The following SBK1 variants were observed in gnomAD, a reference collection of about 807,000 sequenced individuals.
SBK1 encodes serine/threonine-protein kinase SBK1.
A neutral mutation model predicts 24.4 loss-of-function variants in SBK1; 11 were observed. The ratio of observed to expected loss-of-function variants is 0.45; its 90% CI spans 0.28 to 0.75. SBK1 has a LOEUF of 0.75. Ranked by LOEUF, SBK1 falls within the 30% of genes least tolerant of loss-of-function variation. The pLI, the probability that SBK1 is intolerant of heterozygous loss-of-function variation, is 0.12. For missense variants in SBK1, 467 were observed against 620.5 expected (o/e 0.75, Z 2.63); for synonymous variants, 308 against 284.4 (o/e 1.08, Z -0.83).
rs1307674625 is a variant in SBK1, at chr16:28,270,871, ATTTATTTT to A, written c.257+11372_257+11379del. Among the ~76,000 whole-genome samples, 24 of 128,124 alleles carry A rather than the reference ATTTATTTT, an allele frequency of 1.9e-4. 1 individual carries two copies. The highest frequency in any genetic ancestry group is 5.3e-4 in the African/African-American group (17 of 32,026). The allele number at this position is 128,124 out of a possible 152,430, so 84.1% of individuals were successfully genotyped here. A position where few individuals can be genotyped will look rare whatever the true frequency, so the allele number is the denominator to read the frequency against. The stretch of plus-strand genomic sequence containing the variant: ...TATTTATTTATTTATTTATTTATTT[ATTTATTTT>A]TTGAGACGGAGTCTTGCTCTGTTGC... On this transcript the variant is annotated intron_variant, in intron 1 of 3. Coordinates refer to the SBK1 transcript ENST00000671413.
intron 1 of SBK1, chr16:28,285,508 T>C (rs900025009): frequency 1.3e-5 from 2 of 152,026 alleles, no homozygotes; most frequent in Admixed American, 6.6e-5. Flanking sequence ...TGAGCCGAGA[T>C]TACACCACTG....
In SBK1 at chr16:28,292,753, C is replaced by A. The variant is rs1024638229; in HGVS notation, c.-555C>A. On this transcript the variant is annotated 5_prime_UTR_variant, in exon 1 of 4. Coordinates refer to ENST00000341901, the MANE Select transcript of SBK1 (RefSeq NM_001024401.3). ...CCCCGCAGCCGAGGAGTGCGGGGAG[C>A]CCCCTTCCACATCCAGGATCCGGCG... 1.0e-6 allele frequency: 1 copy of A among 984,996 alleles called. No individual in the cohort carries two copies. The highest frequency in any genetic ancestry group is 1.7e-5 in the African/African-American group (1 of 57,212). 61.0% of individuals were successfully genotyped at this position (984,996 alleles called of 1,614,324 possible).
chr16:28,295,438 C>T (rs1787169334), intron 1 of SBK1, among the ~76,000 whole-genome samples: 2 of 152,116 alleles, frequency 1.3e-5, no homozygotes. Context: ...CCTGAGCTGG[C>T]ACGTAGTAGA....
At chr16:28,316,773 G>C (rs2044799343) in intron 1 of SBK1, among the ~76,000 whole-genome samples, 1 of 152,184 alleles carries the variant, frequency 6.6e-6, no homozygotes, top group African/African-American at 2.4e-5. Flanking sequence ...AATCTACTCA[G>C]GAGGCTGAGA....
At chr16:28,306,488 A>G (rs1369186892) in intron 1 of SBK1, among the ~76,000 whole-genome samples, 1 of 152,152 alleles carries the variant, frequency 6.6e-6, no homozygotes, top group Non-Finnish European at 1.5e-5. Flanking sequence ...GGGTGTTGGC[A>G]TGGGGTGCCT....
rs1311693970 is a variant in SBK1, at chr16:28,317,843, G to T, written c.226+226G>T. ...AGGAATCCGGGGCAGAGTGGCCAGG[G>T]TACAGGATGGGCTGCTGTGGGGCCA... is the stretch of plus-strand genomic sequence containing the variant. On this transcript the variant is annotated intron_variant, in intron 2 of 3. Transcript: ENST00000341901. This position sits in a 1 kb window ranked among gnomAD's most constrained non-coding sequence, Gnocchi z 4.2. Among the ~76,000 whole-genome samples, 3 of 151,962 alleles carry T rather than the reference G, an allele frequency of 2.0e-5. No homozygotes were observed. Among genetic ancestry groups the T allele is most frequent in the African/African-American group, 7.3e-5 (3 of 41,366 alleles).
chr16:28,302,370 C>T (rs896948982), intron 1 of SBK1, among the ~76,000 whole-genome samples: 6 of 152,178 alleles, frequency 3.9e-5, no homozygotes, highest in African/African-American at 7.2e-5. Flanking sequence ...AGGTGAAGGT[C>T]GGGGACATCC....
At chr16:28,268,873 G>A (rs2044446077) in intron 1 of SBK1, among the ~76,000 whole-genome samples, 2 of 152,158 alleles carry the variant, frequency 1.3e-5, no homozygotes, top group South Asian at 4.1e-4. Flanking sequence ...CAGGAGAGGA[G>A]CTCCAGTGTC....
intron 1 of SBK1, among the ~76,000 whole-genome samples, chr16:28,277,384 A>G (rs149255466): frequency 6.6e-6 from 1 of 152,108 alleles, no homozygotes; most frequent in Non-Finnish European, 1.5e-5. Context: ...AGTAACAAGA[A>G]GGCACTCTAA....
chr16:28,314,841 T>C (rs917946203), intron 1 of SBK1, among the ~76,000 whole-genome samples: 1 of 152,124 alleles, frequency 6.6e-6, no homozygotes, highest in African/African-American at 2.4e-5. Context: ...TAGCCAGATA[T>C]GGTGGCGCAC....
chr16:28,320,165 C>T lies in SBK1; in HGVS notation c.519C>T (p.Arg173=), dbSNP rs779706591. 8.6e-5 allele frequency: 137 copies of T among 1,586,178 alleles called. No individual in the cohort carries two copies. The highest frequency in any genetic ancestry group is 1.1e-4 in the Non-Finnish European group (132 of 1,171,958). Residue 173 remains arginine, a synonymous_variant, in exon 4 of 4, where the codon CGC becomes CGT. Transcript: ENST00000341901. The surrounding 1 kb of genome is among the most constrained non-coding windows in gnomAD (Gnocchi z 8.5). The part of the protein sequence containing the change: ...DFMHGRQLVH[R]DIKPENVLLF... ...TGCACGGGCGGCAGCTGGTGCACCGCGACATCAAGCCCGAGAACGTGCTGC... is the reference window on the plus strand; with the variant it reads ...TGCACGGGCGGCAGCTGGTGCACCGTGACATCAAGCCCGAGAACGTGCTGC...
intron 1 of SBK1, among the ~76,000 whole-genome samples, chr16:28,295,780 C>T (rs1391929478): frequency 6.6e-6 from 1 of 152,114 alleles, no homozygotes; most frequent in Admixed American, 6.6e-5. Flanking sequence ...GATGTGGCAA[C>T]CTCAGGCCAC....
At chr16:28,270,311 C>T (rs372220441) in intron 1 of SBK1, among the ~76,000 whole-genome samples, 49 of 152,154 alleles carry the variant, frequency 3.2e-4, no homozygotes, top group African/African-American at 1.2e-3. Flanking sequence ...CCACCCACCT[C>T]GGCCTCCCAA....
chr16:28,283,174 A>G (rs7203290), intron 1 of SBK1, among the ~76,000 whole-genome samples: 89,450 of 151,300 alleles, frequency 0.59, 26,900 homozygotes, highest in African/African-American at 0.62. Context: ...CTCGTGATCC[A>G]CCCACCTCGG....
Position 28,317,283 on chromosome 16 carries a change from G to C in SBK1, c.-7-102G>C, listed in dbSNP as rs1172022955. ...GTGGTTATCTTGGGCCTGGCATCCGGGCCCATCCTCAAGTTTTCTGGGTTC... is the reference window on the plus strand; with the variant it reads ...GTGGTTATCTTGGGCCTGGCATCCGCGCCCATCCTCAAGTTTTCTGGGTTC... On this transcript the variant is annotated intron_variant, in intron 1 of 3. Coordinates refer to ENST00000341901, the MANE Select transcript of SBK1 (RefSeq NM_001024401.3). The surrounding 1 kb of genome is among the most constrained non-coding windows in gnomAD (Gnocchi z 4.2). The C allele has an allele frequency of 8.5e-6, 7 of 826,160 alleles. No individual in the cohort carries two copies. The highest frequency in any genetic ancestry group is 1.4e-5 in the Non-Finnish European group (7 of 518,408). The allele number at this position is 826,160 out of a possible 1,614,324, so 51.2% of individuals were successfully genotyped here. A position where few individuals can be genotyped will look rare whatever the true frequency, so the allele number is the denominator to read the frequency against.
At chr16:28,263,868 T>A (rs982750494) in intron 1 of SBK1, among the ~76,000 whole-genome samples, 11 of 152,162 alleles carry the variant, frequency 7.2e-5, no homozygotes, top group Admixed American at 1.3e-4. Context: ...TTCATGCCTA[T>A]AATCCCAGCA....
In SBK1 at chr16:28,292,948, C is replaced by G. The variant is rs2044611913; in HGVS notation, c.-360C>G. The G allele has an allele frequency of 1.0e-6, 1 of 975,280 alleles. No homozygotes were observed. Among genetic ancestry groups the G allele is most frequent in the South Asian group, 4.7e-5 (1 of 21,096 alleles). The allele number at this position is 975,280 out of a possible 1,614,324, so 60.4% of individuals were successfully genotyped here. ...CCCAAGACCTAGAACGCAGTGCCCC[C>G]AGGCCGGGATTGCGAGAACCCCCTC... On this transcript the variant is annotated 5_prime_UTR_variant, in exon 1 of 4. Coordinates refer to ENST00000341901, the MANE Select transcript of SBK1 (RefSeq NM_001024401.3).
chr16:28,261,776 G>T (rs4788054), intron 1 of SBK1, among the ~76,000 whole-genome samples: 11 of 152,064 alleles, frequency 7.2e-5, no homozygotes, highest in African/African-American at 2.7e-4. Context: ...GGTGAACAAC[G>T]TAAGCAAACC....
At chr16:28,276,486 G>A (rs535384689) in intron 1 of SBK1, among the ~76,000 whole-genome samples, 3 of 152,250 alleles carry the variant, frequency 2.0e-5, no homozygotes, top group African/African-American at 2.4e-5. Flanking sequence ...CTTGGTGCAG[G>A]CAGAGAGCGG....
Sources: gnomAD v4.1 joint callset for allele counts (sites outside exome capture counted in the v4.1 genomes callset) on GRCh38, gnomAD v4.1.1 for gene constraint, Gnocchi (gnomAD v3.1) non-coding constraint, MANE v1.5 for transcripts, NCBI Gene and HGNC (gene_info 2026-07-23, HGNC 2026-07-21) for gene names.